The following SAMD5 variants were observed in gnomAD, a reference collection of about 807,000 sequenced individuals.
The protein encoded by SAMD5 is sterile alpha motif domain-containing protein 5.
A neutral mutation model predicts 11.3 loss-of-function variants in SAMD5; 13 were observed. The ratio of observed to expected loss-of-function variants is 1.15; its 90% CI spans 0.75 to 1.83. The LOEUF (loss-of-function observed/expected upper bound fraction) is 1.83, where lower values mean the gene tolerates loss of function less well. SAMD5 is among the 40% of genes most tolerant of loss of function. SAMD5 has a pLI of 0.00. For missense variants in SAMD5, 255 were observed against 239.1 expected, an observed-to-expected ratio of 1.07 and a Z score of -0.44; for synonymous variants, 129 against 111.3, an observed-to-expected ratio of 1.16 and a Z score of -1.00.
chr6:147,657,797 G>T (rs748584516), intron 1 of SAMD5, among the ~76,000 whole-genome samples: 5 of 152,090 alleles, frequency 3.3e-5, no homozygotes, highest in Non-Finnish European at 7.4e-5. Context: ...AGTCCCATTC[G>T]TGAGAACTCC....
chr6:147,811,626 C>A, the SAMD5 span, among the ~76,000 whole-genome samples: 2 of 151,772 alleles, frequency 1.3e-5, no homozygotes, highest in Non-Finnish European at 2.9e-5. Flanking sequence ...CTGATGGCCA[C>A]GAGAGTGCCA....
At chr6:147,947,000 C>T in the SAMD5 span, among the ~76,000 whole-genome samples, 1 of 152,158 alleles carries the variant, frequency 6.6e-6, no homozygotes, top group African/African-American at 2.4e-5. Context: ...CACAAACCAC[C>T]TGGCCAAATC....
chr6:147,917,087 G>A, the SAMD5 span, among the ~76,000 whole-genome samples: 3 of 94,966 alleles, frequency 3.2e-5, 1 homozygote, highest in Non-Finnish European at 6.0e-5. Flanking sequence ...TGGGATGGCT[G>A]GGTCAAATGG....
intron 1 of SAMD5, among the ~76,000 whole-genome samples, chr6:147,723,884 G>T (rs1791589400): frequency 6.6e-6 from 1 of 152,122 alleles, no homozygotes. Context: ...TTATGGTTAA[G>T]GTGAGAGTAA....
At chr6:147,747,008 G>A in the SAMD5 span, among the ~76,000 whole-genome samples, 1 of 152,156 alleles carries the variant, frequency 6.6e-6, no homozygotes, top group Non-Finnish European at 1.5e-5. Context: ...ACAGTCACAG[G>A]CTGTTAAATA....
At chr6:147,560,403 G>A (rs1218048147) in intron 1 of SAMD5, among the ~76,000 whole-genome samples, 3 of 152,148 alleles carry the variant, frequency 2.0e-5, no homozygotes, top group Non-Finnish European at 4.4e-5. Flanking sequence ...CACTCCTACT[G>A]TCATCAATTT....
chr6:147,714,991 A>G (rs901659735), intron 1 of SAMD5, among the ~76,000 whole-genome samples: 3 of 152,252 alleles, frequency 2.0e-5, no homozygotes, highest in African/African-American at 7.2e-5. Context: ...TCATAGGGAA[A>G]ATATGGGCAT....
At chr6:147,642,206 A>G (rs1421431117) in intron 1 of SAMD5, among the ~76,000 whole-genome samples, 1 of 152,188 alleles carries the variant, frequency 6.6e-6, no homozygotes, top group Non-Finnish European at 1.5e-5. Flanking sequence ...TCTCTGTTTT[A>G]AGAAGTCCAT....
chr6:147,643,912 C>G (rs1790355168), intron 1 of SAMD5, among the ~76,000 whole-genome samples: 1 of 139,630 alleles, frequency 7.2e-6, no homozygotes, highest in African/African-American at 2.7e-5. Flanking sequence ...AATACATGAG[C>G]AAGGGTTTGT....
In SAMD5 at chr6:147,568,742, T is replaced by C. The variant is rs1789084208; in HGVS notation, c.*4286T>C. On this transcript the variant is annotated 3_prime_UTR_variant, in exon 2 of 2. Transcript: ENST00000367474. ...TTACTCTTATTAGCTCCCTCAGTTG[T>C]CATCAATTACATATTCCTACATCAG... 1.0e-6 allele frequency: 1 copy of C among 979,702 alleles called. No homozygotes were observed. The highest frequency in any genetic ancestry group is 6.2e-5 in the Admixed American group (1 of 16,258). 60.7% of individuals were successfully genotyped at this position (979,702 alleles called of 1,614,324 possible). A position where few individuals can be genotyped will look rare whatever the true frequency, so the allele number is the denominator to read the frequency against.
chr6:147,695,574 C>T (rs3897914), intron 1 of SAMD5, among the ~76,000 whole-genome samples: 2,406 of 152,278 alleles, frequency 0.016, 54 homozygotes, highest in South Asian at 0.071. Context: ...TTTCAACTTG[C>T]ATTATCTCTT....
At chr6:147,518,127 T>C (rs951990221) in intron 1 of SAMD5, among the ~76,000 whole-genome samples, 1 of 152,068 alleles carries the variant, frequency 6.6e-6, no homozygotes, top group East Asian at 1.9e-4. Flanking sequence ...GGAGAGGAAT[T>C]AGGTAAATCG....
downstream of SAMD5, among the ~76,000 whole-genome samples, chr6:147,740,020 A>G (rs1228662312): frequency 6.6e-6 from 1 of 151,968 alleles, no homozygotes; most frequent in Non-Finnish European, 1.5e-5. Flanking sequence ...GAGTTTCACC[A>G]TGTTGGCCAG....
intron 1 of SAMD5, among the ~76,000 whole-genome samples, chr6:147,620,746 G>C (rs918821556): frequency 6.6e-6 from 1 of 152,202 alleles, no homozygotes; most frequent in African/African-American, 2.4e-5. Context: ...TGGCTTGGAG[G>C]CTTACCTCAG....
chr6:147,845,600 A>C, the SAMD5 span, among the ~76,000 whole-genome samples: 1 of 152,194 alleles, frequency 6.6e-6, no homozygotes, highest in African/African-American at 2.4e-5. Flanking sequence ...CTGAAGAATA[A>C]ATACAGATGG....
chr6:147,929,177 G>C, the SAMD5 span, among the ~76,000 whole-genome samples: 1 of 152,144 alleles, frequency 6.6e-6, no homozygotes, highest in Non-Finnish European at 1.5e-5. Flanking sequence ...AGTAAGTTCA[G>C]TTGTCTTCAC....
At chr6:147,890,414 A>C in the SAMD5 span, among the ~76,000 whole-genome samples, 1 of 149,402 alleles carries the variant, frequency 6.7e-6, no homozygotes, top group Admixed American at 6.7e-5. Flanking sequence ...CTTGGAGTGC[A>C]GTGGCATGAT....
At chr6:147,844,785 T>C in the SAMD5 span, among the ~76,000 whole-genome samples, 15 of 152,054 alleles carry the variant, frequency 9.9e-5, no homozygotes, top group African/African-American at 3.6e-4. Flanking sequence ...ATCTCACTTA[T>C]GTGAATCTGA....
At chr6:147,729,322 A>G (rs1791675351) in intron 1 of SAMD5, among the ~76,000 whole-genome samples, 1 of 152,226 alleles carries the variant, frequency 6.6e-6, no homozygotes, top group Non-Finnish European at 1.5e-5. Context: ...TTCAGCCCGT[A>G]ACAAAAGCCA....
Sources: gnomAD v4.1 joint callset for allele counts (sites outside exome capture counted in the v4.1 genomes callset) on GRCh38, gnomAD v4.1.1 for gene constraint, MANE v1.5 for transcripts, NCBI Gene and HGNC (gene_info 2026-07-23, HGNC 2026-07-21) for gene names.